FRMD4B: variants seen among roughly 807,000 people sequenced by gnomAD.
FRMD4B encodes FERM domain-containing protein 4B.
A neutral mutation model predicts 141.5 loss-of-function variants in FRMD4B; 74 were observed. The ratio of observed to expected loss-of-function variants is 0.52; its 90% CI spans 0.43 to 0.63. FRMD4B has a LOEUF of 0.63. FRMD4B is among the 30% of genes least tolerant of loss of function. The probability of loss-of-function intolerance (pLI) is 0.00; values close to 1 mark genes in which losing one functional copy is unlikely to be tolerated. For synonymous variants in FRMD4B, 506 were observed against 467.9 expected, an observed-to-expected ratio of 1.08 and a Z score of -1.05; for missense variants, 1,366 against 1,253.4, an observed-to-expected ratio of 1.09 and a Z score of -1.36.
intron 2 of FRMD4B, among the ~76,000 whole-genome samples, chr3:69,409,223 C>A (rs574016923): frequency 2.0e-5 from 3 of 152,132 alleles, no homozygotes; most frequent in Non-Finnish European, 2.9e-5. Flanking sequence ...AGGTTACTAG[C>A]GGATTCCGGC....
rs528527576 is a variant in FRMD4B at position 69,477,415 on chromosome 3, G to T, written c.-128-44654C>A. Among the ~76,000 whole-genome samples the T allele has an allele frequency of 8.0e-5, 12 of 150,058 alleles. No individual in the cohort carries two copies. The East Asian group carries it at 1.6e-3, about 20-fold the overall frequency. ...TTTACTGAGAGTTTTTAGCATGAAG[G>T]GTTGTTGAATTTTGTCAAAGGCCTT... On this transcript the variant is annotated intron_variant, in intron 1 of 5. Transcript: ENST00000459638.
rs1260772091 is a variant in FRMD4B at position 69,195,107 on chromosome 3, A to C, written c.1403T>G (p.Leu468Arg). 6.2e-7 allele frequency: 1 copy of C among 1,613,960 alleles called. No individual in the cohort carries two copies. Among genetic ancestry groups the C allele is most frequent in the South Asian group, 1.1e-5 (1 of 91,088 alleles). Residue 468 changes from leucine (L) to arginine (R), a missense_variant, in exon 16 of 23, where the codon CTG becomes CGG. Coordinates refer to ENST00000398540, the MANE Select transcript of FRMD4B (RefSeq NM_015123.3). Reference sequence around the variant, plus strand: ...CTGAGGAGGCTTCTCGCCTATGTTCAGGGGATACTCCTTTGGCATTTTGCC... The same window carrying C: ...CTGAGGAGGCTTCTCGCCTATGTTCCGGGGATACTCCTTTGGCATTTTGCC... ...LTGKMPKEYP[L>R]NIGEKPPQVR...
At chr3:69,219,774 C>T (rs2093176535) in intron 9 of FRMD4B, among the ~76,000 whole-genome samples, 1 of 152,142 alleles carries the variant, frequency 6.6e-6, no homozygotes, top group African/African-American at 2.4e-5. Context: ...CTCTCTCCCA[C>T]CCCAGCCCTC....
chr3:69,210,078 G>T (rs1234589959), intron 11 of FRMD4B, among the ~76,000 whole-genome samples: 1 of 150,710 alleles, frequency 6.6e-6, no homozygotes, highest in Non-Finnish European at 1.5e-5. Flanking sequence ...AATATATATA[G>T]AGACAGAAAC....
intron 7 of FRMD4B, among the ~76,000 whole-genome samples, chr3:69,237,686 A>G (rs956981502): frequency 3.3e-5 from 5 of 152,194 alleles, no homozygotes; most frequent in African/African-American, 1.2e-4. Context: ...CAGACCTCTC[A>G]GCTTCTCTTT....
At chr3:69,307,473 TG>T (rs1157103622) in intron 3 of FRMD4B, among the ~76,000 whole-genome samples, 1 of 152,074 alleles carries the variant, frequency 6.6e-6, no homozygotes, top group Non-Finnish European at 1.5e-5. Flanking sequence ...CCTGAGTAGC[TG>T]GGATTACAGG....
intron 1 of FRMD4B, among the ~76,000 whole-genome samples, chr3:69,355,624 G>T (rs535619143): frequency 6.6e-6 from 1 of 152,266 alleles, no homozygotes; most frequent in African/African-American, 2.4e-5. Flanking sequence ...CAGGAGGCCA[G>T]GGCAGCTTGA....
chr3:69,474,785 C>T (rs1705956027), intron 1 of FRMD4B, among the ~76,000 whole-genome samples: 1 of 152,134 alleles, frequency 6.6e-6, no homozygotes, highest in Non-Finnish European at 1.5e-5. Flanking sequence ...ACAAGATAGA[C>T]AGGGTTCCTG....
chr3:69,408,694 C>T (rs1704699844), intron 2 of FRMD4B, among the ~76,000 whole-genome samples: 1 of 152,116 alleles, frequency 6.6e-6, no homozygotes, highest in African/African-American at 2.4e-5. Context: ...ACAAGGGCAG[C>T]TCTGCTGAGC....
intron 1 of FRMD4B, among the ~76,000 whole-genome samples, chr3:69,332,601 G>A (rs376710518): frequency 7.2e-5 from 11 of 152,070 alleles, no homozygotes; most frequent in African/African-American, 2.7e-4. Context: ...TTTTGAGACA[G>A]GGTCTCACTC....
chr3:69,361,943 G>T (rs1418796487), intron 1 of FRMD4B, among the ~76,000 whole-genome samples: 6 of 152,122 alleles, frequency 3.9e-5, no homozygotes, highest in African/African-American at 1.2e-4. Context: ...TTTCCTAAAA[G>T]GTCATACCAT....
intron 19 of FRMD4B, among the ~76,000 whole-genome samples, chr3:69,186,625 T>C (rs544928090): frequency 1.3e-5 from 2 of 152,278 alleles, no homozygotes; most frequent in South Asian, 4.1e-4. Flanking sequence ...GGTGGGAGAA[T>C]TGCCTGAAGC....
intron 19 of FRMD4B, among the ~76,000 whole-genome samples, chr3:69,187,288 G>C (rs2092778151): frequency 6.6e-6 from 1 of 151,946 alleles, no homozygotes; most frequent in African/African-American, 2.4e-5. Flanking sequence ...GCTCAAACTT[G>C]TAATCCCAGC....
At chr3:69,306,619 T>TG (rs1222942813) in intron 3 of FRMD4B, 2 of 152,200 alleles carry the variant, frequency 1.3e-5, no homozygotes, top group African/African-American at 4.8e-5. Flanking sequence ...ATCTCAGAAA[T>TG]GCTATCCCTC....
chr3:69,310,147 G>A lies in FRMD4B; in HGVS notation c.323+1116C>T, dbSNP rs1004240412. Among the ~76,000 whole-genome samples the A allele has an allele frequency of 2.6e-5, 4 of 152,124 alleles. No individual in the cohort carries two copies. The East Asian group carries it at 7.7e-4, about 29-fold the overall frequency. ...TCCTCAGTCCAGAATCAAGTTTTCAGGTTTTTCTATTCCTCCTGATAATTC... is the reference window on the plus strand; with the variant it reads ...TCCTCAGTCCAGAATCAAGTTTTCAAGTTTTTCTATTCCTCCTGATAATTC... On this transcript the variant is annotated intron_variant, in intron 3 of 22. Transcript: ENST00000398540.
At chr3:69,535,950 C>T in intron 1 of FRMD4B, 1 of 390,258 alleles carries the variant, frequency 2.6e-6, no homozygotes, top group Non-Finnish European at 5.1e-6. Context: ...CCTGTGGTCC[C>T]CAGCATCTCC....
intron 1 of FRMD4B, among the ~76,000 whole-genome samples, chr3:69,361,783 T>G (rs745410034): frequency 1.2e-4 from 19 of 152,164 alleles, no homozygotes; most frequent in Non-Finnish European, 2.4e-4. Context: ...AGTTTGGGGG[T>G]ATTAGAAGTT....
At chr3:69,283,377 T>G (rs143257238) in intron 5 of FRMD4B, among the ~76,000 whole-genome samples, 245 of 87,184 alleles carry the variant, frequency 2.8e-3, no homozygotes, top group African/African-American at 9.9e-3. Context: ...AGAGTGAAAC[T>G]CCATCTCAAA....
chr3:69,391,174 T>C (rs1397668273), intron 2 of FRMD4B, among the ~76,000 whole-genome samples: 2 of 152,006 alleles, frequency 1.3e-5, no homozygotes, highest in Non-Finnish European at 2.9e-5. Flanking sequence ...GGAGAATAAC[T>C]ATCATAACAA....
Sources: allele counts gnomAD v4.1 joint callset (sites outside exome capture counted in the v4.1 genomes callset), GRCh38; gene constraint gnomAD v4.1.1; transcripts MANE v1.5; gene names NCBI Gene and HGNC (gene_info 2026-07-23, HGNC 2026-07-21).